ATRNL1: variants seen among roughly 807,000 people sequenced by gnomAD.
ATRNL1 encodes attractin like 1, also known as attractin-like protein 1.
Under a neutral mutation model 182.7 loss-of-function variants are expected in ATRNL1, and 95 were observed. That is an observed-to-expected ratio of 0.52 (90% CI 0.44 to 0.62). ATRNL1 has a LOEUF of 0.62. Among genes scored for constraint, ATRNL1 ranks in the 20% least tolerant of loss-of-function variants. ATRNL1 has a pLI of 0.00. For synonymous variants in ATRNL1, 576 were observed against 568.3 expected (o/e 1.01, Z -0.19); for missense variants, 1,471 against 1,679.5 (o/e 0.88, Z 2.17).
At chr10:115,625,090 C>A (rs1168575330) in intron 26 of ATRNL1, among the ~76,000 whole-genome samples, 2 of 151,962 alleles carry the variant, frequency 1.3e-5, no homozygotes, top group African/African-American at 2.4e-5. Flanking sequence ...AATTATATAC[C>A]TTCCCTAAAA....
intron 28 of ATRNL1, among the ~76,000 whole-genome samples, chr10:115,881,953 C>T (rs1314230034): frequency 6.6e-6 from 1 of 152,216 alleles, no homozygotes; most frequent in African/African-American, 2.4e-5. Context: ...ATGCATACCA[C>T]CTATCCTGTC....
intron 20 of ATRNL1, among the ~76,000 whole-genome samples, chr10:115,404,771 C>A (rs1208373939): frequency 1.4e-5 from 2 of 146,162 alleles, no homozygotes; most frequent in African/African-American, 2.5e-5. Context: ...TTAATTTGTT[C>A]TTTAATCCCC....
intron 26 of ATRNL1, among the ~76,000 whole-genome samples, chr10:115,715,923 G>T (rs1276307274): frequency 2.0e-5 from 3 of 152,166 alleles, no homozygotes; most frequent in East Asian, 1.9e-4. Flanking sequence ...ATCTGGGAAT[G>T]AGTTACTCCA....
At chr10:115,724,267 T>G (rs1947526670) in intron 26 of ATRNL1, among the ~76,000 whole-genome samples, 1 of 152,188 alleles carries the variant, frequency 6.6e-6, no homozygotes, top group Non-Finnish European at 1.5e-5. Context: ...GTTCCAAATC[T>G]AAATTCATTT....
At chr10:115,242,149 C>T (rs1046098897) in intron 10 of ATRNL1, among the ~76,000 whole-genome samples, 8 of 151,770 alleles carry the variant, frequency 5.3e-5, no homozygotes, top group Non-Finnish European at 4.4e-5. Context: ...TAAACATTTC[C>T]GATATACTTA....
At chr10:115,674,351 C>T (rs74158247) in intron 26 of ATRNL1, among the ~76,000 whole-genome samples, 1,800 of 152,102 alleles carry the variant, frequency 0.012, 34 homozygotes, top group African/African-American at 0.041. Flanking sequence ...GAAGAGAAAG[C>T]CCTGCCAACC....
At position 115,471,169 on chromosome 10, in the gene ATRNL1, A is replaced by G. The variant is rs376112310; in HGVS notation, c.3654+1840A>G. 2.5e-4 allele frequency among the ~76,000 whole-genome samples: 37 copies of G among 150,870 alleles called. 1 individual carries two copies. In the South Asian group the frequency reaches 7.5e-3, roughly 30 times the overall value. ...TAATATTCCATTGTTATGTGTGTGTATGTACGTATATAAATATATACATAT... is the reference window on the plus strand; with the variant it reads ...TAATATTCCATTGTTATGTGTGTGTGTGTACGTATATAAATATATACATAT... On this transcript the variant is annotated intron_variant, in intron 24 of 28. Transcript: ENST00000355044.
chr10:115,282,102 CT>C (rs1470209509), intron 14 of ATRNL1, among the ~76,000 whole-genome samples: 2 of 142,152 alleles, frequency 1.4e-5, no homozygotes, highest in African/African-American at 5.1e-5. Flanking sequence ...GTAATTTTAA[CT>C]AAATATATAA....
At chr10:115,536,254 T>C (rs1286600800) in intron 25 of ATRNL1, among the ~76,000 whole-genome samples, 1 of 152,174 alleles carries the variant, frequency 6.6e-6, no homozygotes, top group African/African-American at 2.4e-5. Context: ...TGAGCTGTGG[T>C]GGGCTCCACC....
At chr10:115,798,886 G>A (rs181869450) in intron 27 of ATRNL1, among the ~76,000 whole-genome samples, 49 of 148,858 alleles carry the variant, frequency 3.3e-4, no homozygotes, top group African/African-American at 1.2e-3. Flanking sequence ...GAGTGCAGTG[G>A]CGCGATCTCA....
intron 25 of ATRNL1, among the ~76,000 whole-genome samples, chr10:115,540,499 C>A (rs1852291116): frequency 6.6e-6 from 1 of 152,098 alleles, no homozygotes. Context: ...TGGTGGCTCA[C>A]ACCTGTAATC....
At chr10:115,358,631 T>C (rs1319121906) in intron 19 of ATRNL1, among the ~76,000 whole-genome samples, 1 of 151,670 alleles carries the variant, frequency 6.6e-6, no homozygotes, top group African/African-American at 2.4e-5. Context: ...ATTTTAGTTA[T>C]TATTTATTAT....
At chr10:115,108,653 G>T (rs1002510230) in intron 1 of ATRNL1, among the ~76,000 whole-genome samples, 6 of 152,188 alleles carry the variant, frequency 3.9e-5, no homozygotes, top group African/African-American at 9.7e-5. Context: ...CACATGGCTG[G>T]CAGAGAAGAG....
chr10:115,384,944 G>A (rs1858249869), intron 19 of ATRNL1, among the ~76,000 whole-genome samples: 1 of 151,048 alleles, frequency 6.6e-6, no homozygotes, highest in Admixed American at 6.6e-5. Context: ...TTTGTAAGGA[G>A]CAATATTATT....
chr10:115,286,787 C>T (rs1045161218), intron 15 of ATRNL1, among the ~76,000 whole-genome samples: 9 of 151,804 alleles, frequency 5.9e-5, no homozygotes, highest in Admixed American at 1.3e-4. Flanking sequence ...GTCAACCAAC[C>T]GCAGATGAAA....
At chr10:115,679,060 G>A (rs553041066) in intron 26 of ATRNL1, among the ~76,000 whole-genome samples, 3 of 152,248 alleles carry the variant, frequency 2.0e-5, no homozygotes, top group African/African-American at 7.2e-5. Context: ...AGTTGTAAAA[G>A]TGAAGGATCC....
intron 24 of ATRNL1, among the ~76,000 whole-genome samples, chr10:115,470,851 G>A (rs1450455806): frequency 6.6e-6 from 1 of 150,538 alleles, no homozygotes; most frequent in Non-Finnish European, 1.5e-5. Flanking sequence ...TATGGAATAT[G>A]TTATATTAAA....
intron 24 of ATRNL1, among the ~76,000 whole-genome samples, chr10:115,512,889 T>C (rs1850458190): frequency 6.6e-6 from 1 of 151,948 alleles, no homozygotes. Flanking sequence ...CCTACATCAC[T>C]TAAGAATGAT....
At chr10:115,850,838 C>T (rs1555100295) in intron 28 of ATRNL1, among the ~76,000 whole-genome samples, 1 of 152,104 alleles carries the variant, frequency 6.6e-6, no homozygotes, top group Non-Finnish European at 1.5e-5. Flanking sequence ...TGAGCCTCCT[C>T]CACTATTTGT....
Sources: gnomAD v4.1 joint callset for allele counts (sites outside exome capture counted in the v4.1 genomes callset) on GRCh38, gnomAD v4.1.1 for gene constraint, MANE v1.5 for transcripts, NCBI Gene and HGNC (gene_info 2026-07-23, HGNC 2026-07-21) for gene names.